Variants in WDR27 observed in about 807,000 individuals in gnomAD.
WDR27 encodes WD repeat-containing protein 27.
WDR27 carries 100 observed loss-of-function variants against 114.4 expected under a neutral mutation model. The observed-to-expected ratio is 0.87, with a 90% confidence interval of 0.74 to 1.03. The LOEUF (loss-of-function observed/expected upper bound fraction) is 1.03. Ranked by LOEUF, WDR27 falls within the 50% of genes least tolerant of loss-of-function variation. The pLI is 0.00. For missense variants in WDR27, 1,129 were observed against 1,092.9 expected, an observed-to-expected ratio of 1.03 and a Z score of -0.47; for synonymous variants, 449 against 423.1, an observed-to-expected ratio of 1.06 and a Z score of -0.75.
At chr6:169,573,763 C>T (rs1016698908) in intron 24 of WDR27, among the ~76,000 whole-genome samples, 2 of 152,200 alleles carry the variant, frequency 1.3e-5, no homozygotes, top group Admixed American at 6.5e-5. Flanking sequence ...TTAACCTGCA[C>T]GCTTCCTGTT....
chr6:169,581,506 T>C (rs2128139310), intron 24 of WDR27, among the ~76,000 whole-genome samples: 1 of 152,364 alleles, frequency 6.6e-6, no homozygotes, highest in African/African-American at 2.4e-5. Flanking sequence ...GCAGGTCCGT[T>C]ACAGTGTATA....
chr6:169,457,151 A>G, downstream of WDR27: 1 of 178,592 alleles, frequency 5.6e-6, no homozygotes, highest in Non-Finnish European at 1.2e-5. Context: ...CTCACCACAC[A>G]GAACCCACGC....
the WDR27 span, among the ~76,000 whole-genome samples, chr6:169,436,314 GATTAT>G: frequency 2.6e-5 from 4 of 152,040 alleles, no homozygotes; most frequent in Non-Finnish European, 4.4e-5. Context: ...GGTCAGACAG[GATTAT>G]ATTTTTCTCT....
intron 22 of WDR27, among the ~76,000 whole-genome samples, chr6:169,605,870 G>A (rs1809063235): frequency 1.3e-5 from 2 of 152,058 alleles, no homozygotes; most frequent in South Asian, 4.1e-4. Context: ...GACACCCTTT[G>A]TAATAAATAG....
Position 169,605,125 on chromosome 6 carries a change from G to T in WDR27, c.2322-2804C>A, listed in dbSNP as rs67824874. Among the ~76,000 whole-genome samples, 104 of 85,860 alleles carry T rather than the reference G, an allele frequency of 1.2e-3. No individual in the cohort carries two copies. The East Asian group carries it at 0.039, about 32-fold the overall frequency. The allele number at this position is 85,860 out of a possible 152,430, so 56.3% of individuals were successfully genotyped here. On this transcript the variant is annotated intron_variant, in intron 22 of 25. Coordinates refer to ENST00000448612, the MANE Select transcript of WDR27 (RefSeq NM_182552.5). ...CAATTAGGCAAAAAAAAAAAAAAAA[G>T]TTTTTTTTTTTTAAAGAAGCATCCA... is the stretch of plus-strand genomic sequence containing the variant.
rs76085855 is a variant in WDR27 at position 169,663,662 on chromosome 6, G to A, written c.904+504C>T. On this transcript the variant is annotated intron_variant, in intron 8 of 25. Coordinates refer to ENST00000448612, the MANE Select transcript of WDR27 (RefSeq NM_182552.5). Reference sequence around the variant, plus strand: ...GTGCATGTGGCATCTGCAATGCGCAGGAGACCAGGTGAGTACGAGGGTGCT... The same window carrying A: ...GTGCATGTGGCATCTGCAATGCGCAAGAGACCAGGTGAGTACGAGGGTGCT... The A allele has an allele frequency of 7.6e-3, 1,204 of 157,962 alleles. 19 individuals carry two copies. Among genetic ancestry groups the A allele is most frequent in the African/African-American group, 0.026 (1,096 of 41,586 alleles). The allele number at this position is 157,962 out of a possible 1,614,324, so 9.8% of individuals were successfully genotyped here.
At chr6:169,540,523 G>T (rs992078411) in intron 25 of WDR27, among the ~76,000 whole-genome samples, 2 of 151,266 alleles carry the variant, frequency 1.3e-5, no homozygotes, top group Non-Finnish European at 2.9e-5. Context: ...TCTGCCTCCC[G>T]AGTTCAAGCA....
At chr6:169,640,659 C>A (rs1818917070) in intron 17 of WDR27, among the ~76,000 whole-genome samples, 1 of 152,264 alleles carries the variant, frequency 6.6e-6, no homozygotes, top group Admixed American at 6.5e-5. Flanking sequence ...GGTTCACAGA[C>A]ACCTGCTGCA....
chr6:169,573,859 T>G (rs184784379), intron 24 of WDR27, among the ~76,000 whole-genome samples: 5 of 152,372 alleles, frequency 3.3e-5, no homozygotes, highest in African/African-American at 4.8e-5. Context: ...ATCACAGCTT[T>G]CTTTCGTCTT....
chr6:169,526,051 T>TA (rs1454919263), intron 25 of WDR27, among the ~76,000 whole-genome samples: 2 of 151,988 alleles, frequency 1.3e-5, no homozygotes, highest in Non-Finnish European at 2.9e-5. Flanking sequence ...TGAAGATAGA[T>TA]AGAGAATAGA....
At chr6:169,436,122 C>T in the WDR27 span, among the ~76,000 whole-genome samples, 3,083 of 152,174 alleles carry the variant, frequency 0.02, 65 homozygotes, top group East Asian at 0.071. Flanking sequence ...AGAGCTCTAT[C>T]GGGTTAAGGA....
chr6:169,527,550 G>A (rs1289052895), intron 25 of WDR27, among the ~76,000 whole-genome samples: 1 of 152,098 alleles, frequency 6.6e-6, no homozygotes, highest in African/African-American at 2.4e-5. Context: ...TTAAACAGTG[G>A]TAATGGTTGC....
intron 1 of WDR27, among the ~76,000 whole-genome samples, chr6:169,691,810 T>C (rs944574471): frequency 2.6e-5 from 4 of 152,192 alleles, no homozygotes; most frequent in African/African-American, 9.6e-5. Context: ...AGATTATCAT[T>C]ATTACAGTGA....
chr6:169,587,592 A>G (rs1804913025), intron 23 of WDR27, among the ~76,000 whole-genome samples: 1 of 152,136 alleles, frequency 6.6e-6, no homozygotes, highest in South Asian at 2.1e-4. Flanking sequence ...TTCTCCTGTT[A>G]TCTTGAACTT....
chr6:169,600,674 C>A (rs1012630740), intron 23 of WDR27, among the ~76,000 whole-genome samples: 3 of 152,140 alleles, frequency 2.0e-5, no homozygotes, highest in African/African-American at 7.2e-5. Context: ...AATGCACAAG[C>A]CTCAGTAGCT....
intron 25 of WDR27, among the ~76,000 whole-genome samples, chr6:169,504,368 G>T (rs1791737126): frequency 6.6e-6 from 1 of 152,140 alleles, no homozygotes; most frequent in African/African-American, 2.4e-5. Flanking sequence ...ACTGAATCAT[G>T]GGGGCGGTTT....
chr6:169,611,164 T>C (rs1810436776), intron 22 of WDR27, among the ~76,000 whole-genome samples: 1 of 151,990 alleles, frequency 6.6e-6, no homozygotes. Context: ...AAGAAGTGAG[T>C]GAATGTGAAG....
At chr6:169,488,826 C>T (rs1789317470) in intron 25 of WDR27, among the ~76,000 whole-genome samples, 1 of 152,034 alleles carries the variant, frequency 6.6e-6, no homozygotes, top group Non-Finnish European at 1.5e-5. Flanking sequence ...CTCTGTACCT[C>T]GGTGGGGATG....
At chr6:169,439,930 T>C in the WDR27 span, among the ~76,000 whole-genome samples, 1 of 151,024 alleles carries the variant, frequency 6.6e-6, no homozygotes, top group Non-Finnish European at 1.5e-5. Flanking sequence ...TATTATTATA[T>C]TGGTAATATA....
Sources: gnomAD v4.1 joint callset for allele counts (sites outside exome capture counted in the v4.1 genomes callset) on GRCh38, gnomAD v4.1.1 for gene constraint, MANE v1.5 for transcripts, NCBI Gene and HGNC (gene_info 2026-07-23, HGNC 2026-07-21) for gene names.